BDH2: variants seen among roughly 807,000 people sequenced by gnomAD.
BDH2 encodes 3-hydroxybutyrate dehydrogenase 2.
BDH2 carries 24 observed loss-of-function variants against 33.2 expected under a neutral mutation model. That is an observed-to-expected ratio of 0.72 (90% CI 0.52 to 1.02). BDH2 has a LOEUF of 1.02. Ranked by LOEUF, BDH2 falls within the 50% of genes least tolerant of loss-of-function variation. The pLI is 0.00. For synonymous variants in BDH2, 81 were observed against 101.6 expected, an observed-to-expected ratio of 0.80 and a Z score of 1.22; for missense variants, 249 against 301.6, an observed-to-expected ratio of 0.83 and a Z score of 1.29.
At chr4:103,096,531 ATTTTTTTTTTT>A (rs70941651) in intron 1 of BDH2, among the ~76,000 whole-genome samples, 2,543 of 114,270 alleles carry the variant, frequency 0.022, 69 homozygotes, top group African/African-American at 0.077. Context: ...GACATTGGCC[ATTTTTTTTTTT>A]TTTTTTTTTT....
chr4:103,095,774 C>T (rs1048993452), intron 2 of BDH2, among the ~76,000 whole-genome samples: 1 of 152,102 alleles, frequency 6.6e-6, no homozygotes, highest in South Asian at 2.1e-4. Flanking sequence ...AAGTGGGGTA[C>T]ATAATGTAAC....
At chr4:103,082,974 A>C in intron 7 of BDH2, 45 bp from the exon 8 acceptor site, 1 of 1,513,134 alleles carries the variant, frequency 6.6e-7, no homozygotes, top group East Asian at 2.3e-5. Context: ...ACTTTCACTG[A>C]AAAAGAAATC....
chr4:103,091,411 C>CA, intron 4 of BDH2, 126 bp from the exon 5 acceptor site: 1 of 614,976 alleles, frequency 1.6e-6, no homozygotes, highest in Non-Finnish European at 2.9e-6. Flanking sequence ...AGACTTTAAA[C>CA]AATTCATAGT....
chr4:103,089,477 A>G (rs1474748907), intron 5 of BDH2, among the ~76,000 whole-genome samples: 1 of 152,182 alleles, frequency 6.6e-6, no homozygotes, highest in Non-Finnish European at 1.5e-5. Context: ...TTTTTAAACA[A>G]ATCTGTGTTT....
chr4:103,086,342 T>G, intron 6 of BDH2, 138 bp downstream of exon 6: 3 of 1,372,252 alleles, frequency 2.2e-6, no homozygotes, highest in Non-Finnish European at 2.8e-6. Context: ...AGGAACTTAA[T>G]ACCAATTTTG....
chr4:103,079,876 C>T, intron 9 of BDH2, 121 bp from the exon 10 acceptor site: 2 of 827,710 alleles, frequency 2.4e-6, no homozygotes, highest in East Asian at 2.7e-5. Context: ...GGAAACCTCA[C>T]TTAAACACTT....
rs889980825 is a variant in BDH2 at position 103,095,243 on chromosome 4, G to A, written c.111C>T (p.Asp37=). Residue 37 remains aspartate (D), a synonymous_variant, in exon 3 of 10, where the codon GAC becomes GAT. Coordinates refer to ENST00000296424, the MANE Select transcript of BDH2 (RefSeq NM_020139.4). The part of the protein sequence containing the change: ...AREGAKVIAT[D]INESKLQELE... ...GTTCCTGAAGTTTGGACTCATTAAT[G>A]TCTGTGGCTATGACTTTGGCACCTT... is the stretch of plus-strand genomic sequence containing the variant. 1.2e-6 allele frequency: 2 copies of A among 1,613,852 alleles called. No homozygotes were observed.
At chr4:103,093,996 C>T (rs1748239062) in intron 3 of BDH2, among the ~76,000 whole-genome samples, 1 of 151,988 alleles carries the variant, frequency 6.6e-6, no homozygotes, top group African/African-American at 2.4e-5. Flanking sequence ...GATTATGTAA[C>T]CTGTTCTATT....
intron 3 of BDH2, among the ~76,000 whole-genome samples, chr4:103,094,501 C>A (rs1748268230): frequency 6.6e-6 from 1 of 152,044 alleles, no homozygotes; most frequent in Admixed American, 6.6e-5. Flanking sequence ...AATCATTTCA[C>A]AAGGTATTTT....
intron 3 of BDH2, among the ~76,000 whole-genome samples, chr4:103,093,416 G>T (rs1275748288): frequency 6.6e-6 from 1 of 151,874 alleles, no homozygotes. Flanking sequence ...CACCCTTGAA[G>T]GCTAGACATG....
intron 7 of BDH2, 128 bp downstream of exon 7, chr4:103,085,221 C>G (rs1747718259): frequency 1.5e-6 from 1 of 684,340 alleles, no homozygotes; most frequent in Non-Finnish European, 2.5e-6. Flanking sequence ...GTCATTTTAT[C>G]TGTTGCAACT....
rs1019896833 is a variant in BDH2, at chr4:103,088,335, G to A, written c.358-1795C>T. Among the ~76,000 whole-genome samples, 19 of 152,198 alleles carry A rather than the reference G, an allele frequency of 1.2e-4. No homozygotes were observed. The East Asian group carries it at 1.3e-3, about 11-fold the overall frequency. ...TTAATACATAAAGATGGGTTATTATGTAGGTTCAATCTCTAGTCCTCTCTA... is the reference window on the plus strand; with the variant it reads ...TTAATACATAAAGATGGGTTATTATATAGGTTCAATCTCTAGTCCTCTCTA... On this transcript the variant is annotated intron_variant, in intron 5 of 9. Transcript: ENST00000296424.
intron 5 of BDH2, among the ~76,000 whole-genome samples, chr4:103,090,145 C>T (rs1748009152): frequency 6.6e-6 from 1 of 152,174 alleles, no homozygotes; most frequent in African/African-American, 2.4e-5. Flanking sequence ...GTTCAATTTA[C>T]AACCTTGAGT....
intron 5 of BDH2, among the ~76,000 whole-genome samples, chr4:103,086,970 T>G (rs772288178): frequency 6.6e-6 from 1 of 152,118 alleles, no homozygotes; most frequent in Non-Finnish European, 1.5e-5. Context: ...AGGCAACCAG[T>G]CTGGTTAGAG....
chr4:103,094,100 T>C (rs1748244689), intron 3 of BDH2, among the ~76,000 whole-genome samples: 1 of 152,104 alleles, frequency 6.6e-6, no homozygotes, highest in African/African-American at 2.4e-5. Context: ...TTTGGTTCAG[T>C]GGGGTGAAGA....
rs1377041086 is a variant in BDH2 at position 103,086,136 on chromosome 4, G to A, written c.418+344C>T. 4.5e-6 allele frequency: 5 copies of A among 1,099,658 alleles called. No homozygotes were observed. In the East Asian group the frequency reaches 2.7e-4, roughly 60 times the overall value. The allele number at this position is 1,099,658 out of a possible 1,614,324, so 68.1% of individuals were successfully genotyped here. A position where few individuals can be genotyped will look rare whatever the true frequency, so the allele number is the denominator to read the frequency against. On this transcript the variant is annotated intron_variant, in intron 6 of 9. Coordinates refer to ENST00000296424, the MANE Select transcript of BDH2 (RefSeq NM_020139.4). ...TGCCTTGCTCCTAGTTTTGGACTGT[G>A]AATTCTTTTATGGCCAGAGCACATA... is the stretch of plus-strand genomic sequence containing the variant.
Position 103,087,147 on chromosome 4 carries a change from TAAAAG to T in BDH2, c.358-612_358-608del, listed in dbSNP as rs755670749. On this transcript the variant is annotated intron_variant, in intron 5 of 9. Coordinates refer to ENST00000296424, the MANE Select transcript of BDH2 (RefSeq NM_020139.4). ...AACACTAGAGTATTAGTCAGAAAAA[TAAAAG>T]AAAAGGATGTTTTGAGGAGTGGGTA... 3.1e-4 allele frequency among the ~76,000 whole-genome samples: 47 copies of T among 151,964 alleles called. No individual in the cohort carries two copies. The South Asian group carries it at 5.6e-3, about 18-fold the overall frequency.
chr4:103,096,582 C>T (rs1468008211), intron 1 of BDH2, among the ~76,000 whole-genome samples: 1 of 149,886 alleles, frequency 6.7e-6, no homozygotes, highest in Non-Finnish European at 1.5e-5. Flanking sequence ...CTCTTGTCAC[C>T]CAGGCTGGAG....
intron 5 of BDH2, among the ~76,000 whole-genome samples, chr4:103,090,402 T>A (rs1307753682): frequency 1.3e-5 from 2 of 152,230 alleles, no homozygotes; most frequent in Non-Finnish European, 2.9e-5. Context: ...GAGCACACAC[T>A]GTCTCTCACC....
Sources: allele counts gnomAD v4.1 joint callset (sites outside exome capture counted in the v4.1 genomes callset), GRCh38; gene constraint gnomAD v4.1.1; transcripts MANE v1.5; gene names NCBI Gene and HGNC (gene_info 2026-07-23, HGNC 2026-07-21).